The following COLEC11 variants were observed in gnomAD, a reference collection of about 807,000 sequenced individuals.
COLEC11 encodes collectin subfamily member 11, also known as collectin-11.
In COLEC11, 20 loss-of-function variants were observed where a neutral mutation model predicts 27.3. The observed-to-expected ratio is 0.73, with a 90% CI of 0.51 to 1.06. COLEC11 has a LOEUF of 1.06. COLEC11 is among the 50% of genes least tolerant of loss of function. COLEC11 has a pLI of 0.00. For missense variants in COLEC11, 310 were observed against 383.0 expected, an observed-to-expected ratio of 0.81 and a Z score of 1.59; for synonymous variants, 163 against 154.7, an observed-to-expected ratio of 1.05 and a Z score of -0.40.
At chr2:3,604,512 C>T (rs763777191) in intron 2 of COLEC11, 42 bp downstream of exon 2, 23 of 1,608,514 alleles carry the variant, frequency 1.4e-5, no homozygotes, top group East Asian at 1.1e-4. Context: ...CAGTGGCCTC[C>T]GGGCCAGCTG....
At chr2:3,640,498 G>A (rs1237764433) in intron 5 of COLEC11, among the ~76,000 whole-genome samples, 167 bp downstream of exon 5, 1 of 36,294 alleles carries the variant, frequency 2.8e-5, no homozygotes, top group Non-Finnish European at 5.1e-5. Flanking sequence ...ACCCACCCCC[G>A]TCACATCCCA....
chr2:3,615,748 G>A (rs1318146430), intron 3 of COLEC11, among the ~76,000 whole-genome samples: 2 of 151,702 alleles, frequency 1.3e-5, no homozygotes, highest in Non-Finnish European at 2.9e-5. Context: ...CGCGGACAGG[G>A]CGGTGGCCGG....
chr2:3,630,083 G>A (rs1664875855), intron 3 of COLEC11, among the ~76,000 whole-genome samples: 1 of 151,630 alleles, frequency 6.6e-6, no homozygotes, highest in South Asian at 2.1e-4. Flanking sequence ...CTGTTAATAT[G>A]TGTATGTTTG....
At chr2:3,621,275 A>G (rs1664167679) in intron 3 of COLEC11, among the ~76,000 whole-genome samples, 1 of 152,054 alleles carries the variant, frequency 6.6e-6, no homozygotes, top group Non-Finnish European at 1.5e-5. Context: ...TTATATAAAA[A>G]CCCTTTTTTA....
chr2:3,607,107 C>T (rs1227984961), intron 2 of COLEC11, among the ~76,000 whole-genome samples: 3 of 151,430 alleles, frequency 2.0e-5, no homozygotes, highest in Non-Finnish European at 4.4e-5. Flanking sequence ...TGTTTTGGAT[C>T]CTGAAACCTC....
At chr2:3,611,738 G>A (rs1426991594) in intron 2 of COLEC11, among the ~76,000 whole-genome samples, 2 of 152,086 alleles carry the variant, frequency 1.3e-5, no homozygotes, top group African/African-American at 2.4e-5. Flanking sequence ...TGCCACCATC[G>A]CTGTGCTTTT....
chr2:3,603,589 T>C, intron 1 of COLEC11: 1 of 1,539,104 alleles, frequency 6.5e-7, no homozygotes, highest in East Asian at 2.4e-5. Flanking sequence ...AGTGCTGGAA[T>C]TACAGGTGTG....
intron 3 of COLEC11, among the ~76,000 whole-genome samples, chr2:3,626,761 A>G (rs1284122758): frequency 6.6e-6 from 1 of 152,244 alleles, no homozygotes; most frequent in Non-Finnish European, 1.5e-5. Context: ...TTACAAGGAC[A>G]TTAGGTCAAA....
At chr2:3,626,806 C>T (rs1664588405) in intron 3 of COLEC11, among the ~76,000 whole-genome samples, 1 of 152,220 alleles carries the variant, frequency 6.6e-6, no homozygotes, top group South Asian at 2.1e-4. Context: ...TTTTTATACA[C>T]AACCTGGGAT....
intron 3 of COLEC11, among the ~76,000 whole-genome samples, chr2:3,627,226 C>A (rs1558508166): frequency 6.6e-6 from 1 of 151,814 alleles, no homozygotes; most frequent in Non-Finnish European, 1.5e-5. Flanking sequence ...CCTGGGCAAA[C>A]TGGGGGCTGC....
intron 3 of COLEC11, among the ~76,000 whole-genome samples, chr2:3,618,831 A>G (rs115114991): frequency 0.024 from 3,621 of 152,092 alleles, 150 homozygotes; most frequent in African/African-American, 0.081. Context: ...TTTTCCATTT[A>G]TTTGTGTCTT....
intron 5 of COLEC11, chr2:3,641,430 G>A: frequency 7.8e-7 from 1 of 1,285,314 alleles, no homozygotes; most frequent in South Asian, 1.2e-5. Context: ...GAAGGACCTG[G>A]AGGCAGGTGA....
chr2:3,609,106 C>T (rs910243770), intron 2 of COLEC11, among the ~76,000 whole-genome samples: 13 of 152,248 alleles, frequency 8.5e-5, no homozygotes, highest in African/African-American at 2.7e-4. Flanking sequence ...TGTACAACTA[C>T]AGACACAGGT....
intron 3 of COLEC11, among the ~76,000 whole-genome samples, chr2:3,624,252 G>T (rs1165243941): frequency 2.6e-5 from 4 of 152,194 alleles, no homozygotes; most frequent in African/African-American, 9.7e-5. Context: ...ATCTGTGGGG[G>T]TGCCTTTGGG....
intron 2 of COLEC11, among the ~76,000 whole-genome samples, chr2:3,607,651 G>C (rs1205767386): frequency 6.6e-6 from 1 of 152,016 alleles, no homozygotes; most frequent in Non-Finnish European, 1.5e-5. Flanking sequence ...GTTTCACCAT[G>C]TTATCCAGGC....
Position 3,637,578 on chromosome 2 carries a change from GA to G in COLEC11, c.253del (p.Ile85LeufsTer16), listed in dbSNP as rs757958014. ...KGQKGSVGRH[G>X]KIGPIGSKGE... ...CAGAAAGGCAGTGTGGGTCGTCATG[GA>G]AAAATTGGTCCCATTGGCTCTAAAG... is the stretch of plus-strand genomic sequence containing the variant. On this transcript the variant is annotated frameshift_variant, in exon 4 of 7. Coordinates refer to ENST00000349077, the MANE Select transcript of COLEC11 (RefSeq NM_024027.5). LOFTEE classifies it high-confidence loss of function. 4.3e-6 allele frequency: 7 copies of G among 1,614,096 alleles called. No homozygotes were observed. The highest frequency in any genetic ancestry group is 5.9e-6 in the Non-Finnish European group (7 of 1,179,978).
chr2:3,615,916 C>A (rs1267333144), intron 3 of COLEC11, among the ~76,000 whole-genome samples: 2 of 124,742 alleles, frequency 1.6e-5, no homozygotes, highest in Non-Finnish European at 3.6e-5. Context: ...CCACCTCCCT[C>A]CCGGACGGGG....
chr2:3,604,946 GA>G (rs998697550), intron 2 of COLEC11: 2,011 of 356,492 alleles, frequency 5.6e-3, no homozygotes, highest in South Asian at 9.3e-3. Flanking sequence ...GTGGTTAGGG[GA>G]AAAAAAAAAG....
intron 3 of COLEC11, among the ~76,000 whole-genome samples, chr2:3,614,836 TAAA>T (rs749753888): frequency 2.6e-5 from 4 of 152,172 alleles, no homozygotes; most frequent in African/African-American, 4.8e-5. Context: ...AACACAAAGA[TAAA>T]AACAAAATCC....
Sources: gnomAD v4.1 joint callset for allele counts (sites outside exome capture counted in the v4.1 genomes callset) on GRCh38, gnomAD v4.1.1 for gene constraint, MANE v1.5 for transcripts, NCBI Gene and HGNC (gene_info 2026-07-23, HGNC 2026-07-21) for gene names.